Variants in ITPR1 observed in about 807,000 individuals in gnomAD.
ITPR1 encodes inositol 1,4,5-trisphosphate-gated calcium channel ITPR1.
Under a neutral mutation model 318.4 loss-of-function variants are expected in ITPR1, and 96 were observed. That is an observed-to-expected ratio of 0.30 (90% CI 0.26 to 0.36). ITPR1 has a LOEUF of 0.36. ITPR1 is among the 10% of genes least tolerant of loss of function. ITPR1 has a pLI of 1.00. For missense variants in ITPR1, 2,440 were observed against 3,460.2 expected, an observed-to-expected ratio of 0.71 and a Z score of 7.40; for synonymous variants, 1,312 against 1,289.9, an observed-to-expected ratio of 1.02 and a Z score of -0.37.
intron 55 of ITPR1, among the ~76,000 whole-genome samples, chr3:4,810,002 G>C (rs1200621235): frequency 6.6e-6 from 1 of 152,194 alleles, no homozygotes; most frequent in East Asian, 1.9e-4. Flanking sequence ...TTGGTGTCAA[G>C]GAGGCAGAAA....
intron 52 of ITPR1, among the ~76,000 whole-genome samples, chr3:4,793,514 G>C (rs943345028): frequency 6.6e-6 from 1 of 152,170 alleles, no homozygotes; most frequent in Admixed American, 6.5e-5. Flanking sequence ...ATCCAGATCG[G>C]AAATGGGCTT....
chr3:4,820,914 C>T (rs1419289119), intron 60 of ITPR1, among the ~76,000 whole-genome samples: 2 of 152,312 alleles, frequency 1.3e-5, no homozygotes, highest in East Asian at 1.9e-4. Context: ...GCTGGGGCCC[C>T]ATGGGACCTC....
chr3:4,563,935 T>A (rs2086942252), intron 4 of ITPR1, among the ~76,000 whole-genome samples: 1 of 150,936 alleles, frequency 6.6e-6, no homozygotes, highest in Non-Finnish European at 1.5e-5. Flanking sequence ...CTGAGTTGAT[T>A]TGTTTTCTTT....
chr3:4,727,824 C>T (rs895605275), intron 42 of ITPR1, among the ~76,000 whole-genome samples: 6 of 152,236 alleles, frequency 3.9e-5, no homozygotes, highest in African/African-American at 1.4e-4. Context: ...AATCCTCTTG[C>T]CTTGGCCTCC....
intron 20 of ITPR1, among the ~76,000 whole-genome samples, chr3:4,671,281 A>G (rs3792487): frequency 0.68 from 102,708 of 151,964 alleles, 35,095 homozygotes; most frequent in African/African-American, 0.72. Flanking sequence ...GTTTGATTTT[A>G]TGCTCTAATT....
chr3:4,665,388 T>A, intron 17 of ITPR1, 92 bp downstream of exon 17: 1 of 1,195,458 alleles, frequency 8.4e-7, no homozygotes, highest in Non-Finnish European at 1.2e-6. Context: ...ACATGTCTAT[T>A]TATAGAATGG....
chr3:4,828,865 C>T (rs1460933824), intron 60 of ITPR1, among the ~76,000 whole-genome samples: 4 of 152,150 alleles, frequency 2.6e-5, no homozygotes, highest in Non-Finnish European at 5.9e-5. Flanking sequence ...ACCAGACTGA[C>T]ACCTTGATTT....
chr3:4,770,364 C>G (rs2125379495), intron 46 of ITPR1, among the ~76,000 whole-genome samples: 1 of 152,290 alleles, frequency 6.6e-6, no homozygotes, highest in East Asian at 1.9e-4. Flanking sequence ...CTGAGAGAAG[C>G]CTGCAACGTT....
At chr3:4,538,132 T>C (rs1440663074) in intron 4 of ITPR1, among the ~76,000 whole-genome samples, 1 of 152,218 alleles carries the variant, frequency 6.6e-6, no homozygotes, top group Non-Finnish European at 1.5e-5. Flanking sequence ...CTTCTCAAAT[T>C]GTAATGTTAA....
chr3:4,844,743 T>C (rs1280134295), intron 61 of ITPR1, among the ~76,000 whole-genome samples: 1 of 152,246 alleles, frequency 6.6e-6, no homozygotes, highest in Non-Finnish European at 1.5e-5. Context: ...CCTAATCCAA[T>C]TCTTAATTAA....
At chr3:4,580,316 T>A (rs2089195299) in intron 4 of ITPR1, among the ~76,000 whole-genome samples, 1 of 152,164 alleles carries the variant, frequency 6.6e-6, no homozygotes. Flanking sequence ...GGAGGAAGGT[T>A]AAGTTTTAGG....
chr3:4,684,973 T>G, intron 29 of ITPR1, 96 bp from the exon 30 acceptor site: 1 of 1,240,816 alleles, frequency 8.1e-7, no homozygotes, highest in Non-Finnish European at 1.1e-6. Flanking sequence ...TAATGCATTA[T>G]AATCCCCTTT....
At chr3:4,561,956 G>GC (rs2086715097) in intron 4 of ITPR1, among the ~76,000 whole-genome samples, 1 of 152,100 alleles carries the variant, frequency 6.6e-6, no homozygotes, top group Non-Finnish European at 1.5e-5. Context: ...ATTCAATTTT[G>GC]TCTTTAACAT....
At position 4,811,536 on chromosome 3, in the gene ITPR1, G is replaced by A. The variant is rs1386319395; in HGVS notation, c.7468+76G>A. On this transcript the variant is annotated intron_variant, in intron 56 of 61. Transcript: ENST00000649015. The stretch of plus-strand genomic sequence containing the variant: ...TTATAACTGAACTAAAGAAAATAAC[G>A]ACTTTAGTAATGCAGATATCTCCCC... 4 of 1,217,038 alleles carry A rather than the reference G, an allele frequency of 3.3e-6. No individual in the cohort carries two copies. In the African/African-American group the frequency reaches 4.5e-5, roughly 14 times the overall value. 75.4% of individuals were successfully genotyped at this position (1,217,038 alleles called of 1,614,324 possible). A position where few individuals can be genotyped will look rare whatever the true frequency, so the allele number is the denominator to read the frequency against.
chr3:4,507,197 G>T (rs964215159), intron 2 of ITPR1, among the ~76,000 whole-genome samples: 1 of 149,108 alleles, frequency 6.7e-6, no homozygotes, highest in Admixed American at 6.8e-5. Flanking sequence ...TCAGTCTGTT[G>T]TTACATCATG....
chr3:4,588,223 T>G (rs1207813680), intron 4 of ITPR1, among the ~76,000 whole-genome samples: 2 of 152,236 alleles, frequency 1.3e-5, no homozygotes, highest in Admixed American at 1.3e-4. Context: ...CTCATATTCT[T>G]GCTGCAAAGG....
chr3:4,738,907 T>G (rs2043490217), intron 44 of ITPR1, among the ~76,000 whole-genome samples: 1 of 151,666 alleles, frequency 6.6e-6, no homozygotes, highest in Non-Finnish European at 1.5e-5. Context: ...AGGGTGCGGG[T>G]GTGGCCGCAC....
At chr3:4,702,396 T>C (rs900334177) in intron 35 of ITPR1, among the ~76,000 whole-genome samples, 2 of 152,218 alleles carry the variant, frequency 1.3e-5, no homozygotes, top group South Asian at 2.1e-4. Context: ...TCAGTGGATA[T>C]AATGTCTGGA....
At chr3:4,770,064 T>C (rs1208629976) in intron 46 of ITPR1, among the ~76,000 whole-genome samples, 2 of 152,148 alleles carry the variant, frequency 1.3e-5, no homozygotes, top group Admixed American at 1.3e-4. Context: ...GGTGGAATGT[T>C]TCCTCCTAAG....
Sources: allele counts gnomAD v4.1 joint callset (sites outside exome capture counted in the v4.1 genomes callset), GRCh38; gene constraint gnomAD v4.1.1; transcripts MANE v1.5; gene names NCBI Gene and HGNC (gene_info 2026-07-23, HGNC 2026-07-21).